Variants in SCHIP1 observed in about 807,000 individuals in gnomAD.
SCHIP1 encodes the protein schwannomin interacting protein 1, also known as schwannomin-interacting protein 1.
In SCHIP1, 8 loss-of-function variants were observed where a neutral mutation model predicts 29.7. The ratio of observed to expected loss-of-function variants is 0.27; its 90% CI spans 0.16 to 0.49. The LOEUF (loss-of-function observed/expected upper bound fraction) is 0.49, where lower values mean the gene tolerates loss of function less well. Among genes scored for constraint, SCHIP1 ranks in the 20% least tolerant of loss-of-function variants. The pLI is 0.99. For missense variants in SCHIP1, 193 were observed against 294.6 expected, an observed-to-expected ratio of 0.66 and a Z score of 2.52; for synonymous variants, 76 against 94.9, an observed-to-expected ratio of 0.80 and a Z score of 1.16.
chr3:159,784,143 C>G, the SCHIP1 span, among the ~76,000 whole-genome samples: 2 of 152,194 alleles, frequency 1.3e-5, no homozygotes, highest in African/African-American at 4.8e-5. Context: ...TTGTAACAAG[C>G]TGAGGTAAAG....
At chr3:159,325,309 C>T in the SCHIP1 span, among the ~76,000 whole-genome samples, 1 of 152,098 alleles carries the variant, frequency 6.6e-6, no homozygotes, top group African/African-American at 2.4e-5. Flanking sequence ...TTTAATGTCT[C>T]CAGTTTGATA....
chr3:159,346,226 AT>A, the SCHIP1 span, among the ~76,000 whole-genome samples: 1 of 149,570 alleles, frequency 6.7e-6, no homozygotes, highest in Non-Finnish European at 1.5e-5. Flanking sequence ...GAAAAACCCC[AT>A]TAGTTGCATC....
chr3:159,540,937 G>A, the SCHIP1 span, among the ~76,000 whole-genome samples: 1 of 152,024 alleles, frequency 6.6e-6, no homozygotes, highest in Non-Finnish European at 1.5e-5. Flanking sequence ...GAAAAAAAAT[G>A]TGTGTTCTCC....
chr3:159,842,391 A>G (rs1255132999), intron 1 of SCHIP1, among the ~76,000 whole-genome samples: 1 of 152,114 alleles, frequency 6.6e-6, no homozygotes, highest in African/African-American at 2.4e-5. Flanking sequence ...TGTTATTGTC[A>G]TCATAATTAC....
chr3:159,387,306 C>T, the SCHIP1 span: 5 of 296,370 alleles, frequency 1.7e-5, no homozygotes, highest in Middle Eastern at 1.2e-3. Context: ...GGGATGCCCC[C>T]AGGAAAAAGT....
chr3:159,282,683 G>C, the SCHIP1 span: 1 of 144,736 alleles, frequency 6.9e-6, no homozygotes, highest in Admixed American at 6.8e-5. Flanking sequence ...TTCTCTACTA[G>C]TTTGTAGTAG....
chr3:159,522,730 G>A, the SCHIP1 span, among the ~76,000 whole-genome samples: 1 of 152,184 alleles, frequency 6.6e-6, no homozygotes, highest in Non-Finnish European at 1.5e-5. Context: ...TTAGCCGGGC[G>A]TGGTGGCGCA....
the SCHIP1 span, among the ~76,000 whole-genome samples, chr3:159,526,156 G>A: frequency 6.6e-6 from 1 of 152,084 alleles, no homozygotes; most frequent in African/African-American, 2.4e-5. Flanking sequence ...ATGTTTACAT[G>A]TTTTTCCTCA....
At chr3:159,668,552 A>G in the SCHIP1 span, among the ~76,000 whole-genome samples, 1 of 152,098 alleles carries the variant, frequency 6.6e-6, no homozygotes, top group Non-Finnish European at 1.5e-5. Context: ...GGCGTGTCTC[A>G]TCATCTTCAC....
At chr3:159,686,500 ACAG>A in the SCHIP1 span, among the ~76,000 whole-genome samples, 1 of 152,214 alleles carries the variant, frequency 6.6e-6, no homozygotes, top group Non-Finnish European at 1.5e-5. Context: ...GAACCAGCAG[ACAG>A]CAGAATCAGA....
intron 2 of SCHIP1, among the ~76,000 whole-genome samples, chr3:159,880,673 C>G (rs1391284367): frequency 6.6e-6 from 1 of 152,222 alleles, no homozygotes; most frequent in African/African-American, 2.4e-5. Context: ...GGGACAGCAG[C>G]TACTCAGCAC....
chr3:159,536,051 A>C, the SCHIP1 span, among the ~76,000 whole-genome samples: 1,845 of 152,326 alleles, frequency 0.012, 32 homozygotes, highest in African/African-American at 0.041. Flanking sequence ...CAGTTGTGCT[A>C]GCTCAATAGC....
At chr3:159,784,820 AT>A in the SCHIP1 span, among the ~76,000 whole-genome samples, 1 of 151,998 alleles carries the variant, frequency 6.6e-6, no homozygotes, top group South Asian at 2.1e-4. Flanking sequence ...TGCCCAGCTG[AT>A]TTTTGTATTT....
chr3:159,684,003 A>G, the SCHIP1 span, among the ~76,000 whole-genome samples: 4 of 152,294 alleles, frequency 2.6e-5, no homozygotes, highest in East Asian at 5.8e-4. Flanking sequence ...CTTGCTGGCC[A>G]GGAAGAGACT....
the SCHIP1 span, among the ~76,000 whole-genome samples, chr3:159,810,229 TAG>T: frequency 6.6e-6 from 1 of 151,980 alleles, no homozygotes; most frequent in African/African-American, 2.4e-5. Context: ...GTATTTTTAA[TAG>T]AGAGTGGGTT....
At chr3:159,386,037 A>G in the SCHIP1 span, among the ~76,000 whole-genome samples, 1 of 152,044 alleles carries the variant, frequency 6.6e-6, no homozygotes, top group Non-Finnish European at 1.5e-5. Flanking sequence ...ATCCTTTTTT[A>G]TGGCTGCATA....
chr3:159,452,415 C>T, the SCHIP1 span, among the ~76,000 whole-genome samples: 7 of 152,060 alleles, frequency 4.6e-5, no homozygotes, highest in Admixed American at 4.6e-4. Context: ...GTTTTCTGTT[C>T]CTGTGTTAGT....
the SCHIP1 span, among the ~76,000 whole-genome samples, chr3:159,752,986 C>T: frequency 1.3e-5 from 2 of 152,280 alleles, no homozygotes; most frequent in African/African-American, 4.8e-5. Context: ...TGAGCCTCTT[C>T]GTGCATAAAT....
chr3:159,426,554 C>T, the SCHIP1 span, among the ~76,000 whole-genome samples: 12 of 152,252 alleles, frequency 7.9e-5, no homozygotes, highest in African/African-American at 2.6e-4. Context: ...AGCTTACCAA[C>T]GAAAAAGAGT....
Sources: gnomAD v4.1 joint callset for allele counts (sites outside exome capture counted in the v4.1 genomes callset) on GRCh38, gnomAD v4.1.1 for gene constraint, MANE v1.5 for transcripts, NCBI Gene and HGNC (gene_info 2026-07-23, HGNC 2026-07-21) for gene names.